The following EXTL3 variants were observed in gnomAD, a reference collection of about 807,000 sequenced individuals.
EXTL3 encodes exostosin like glycosyltransferase 3.
EXTL3 carries 27 observed loss-of-function variants against 69.3 expected under a neutral mutation model. That is an observed-to-expected ratio of 0.39 (90% CI 0.29 to 0.54). The LOEUF (loss-of-function observed/expected upper bound fraction) is 0.54, where lower values mean the gene tolerates loss of function less well. Ranked by LOEUF, EXTL3 falls within the 20% of genes least tolerant of loss-of-function variation. The pLI is 0.69. For synonymous variants in EXTL3, 511 were observed against 499.4 expected (o/e 1.02, Z -0.31); for missense variants, 1,003 against 1,231.8 (o/e 0.81, Z 2.78).
At chr8:28,701,444 C>T (rs1288140750), upstream of EXTL3, 2 of 151,974 alleles carry the variant, frequency 1.3e-5, no homozygotes, top group Admixed American at 6.5e-5. Context: ...CGCGTCCGCG[C>T]CCCCGCTCGC....
intron 2 of EXTL3, among the ~76,000 whole-genome samples, chr8:28,613,937 AGCCTTTGG>A (rs559983375): frequency 5.3e-4 from 80 of 151,842 alleles, no homozygotes; most frequent in South Asian, 2.3e-3. Flanking sequence ...CTCTGACCTC[AGCCTTTGG>A]AGTAGCTAGG....
intron 3 of EXTL3, among the ~76,000 whole-genome samples, chr8:28,720,410 A>G (rs1301943363): frequency 6.6e-6 from 1 of 152,168 alleles, no homozygotes; most frequent in East Asian, 1.9e-4. Flanking sequence ...TCTTATGTTT[A>G]GGTTCCCACT....
At chr8:28,677,113 G>C (rs1807399774) in intron 1 of EXTL3, among the ~76,000 whole-genome samples, 1 of 152,056 alleles carries the variant, frequency 6.6e-6, no homozygotes, top group South Asian at 2.1e-4. Flanking sequence ...GGGAGAAGTT[G>C]AACATCCTGG....
Position 28,737,546 on chromosome 8 carries a change from C to T in EXTL3, c.2304C>T (p.Ile768=), listed in dbSNP as rs190213591. Residue 768 remains isoleucine (I), a synonymous_variant, in exon 5 of 7, where the codon ATC becomes ATT. Transcript: ENST00000220562. ...FRVWREARDR[I]VGFPGRYHAW... is the part of the protein sequence containing the mutation. ...TGTGGAGAGAAGCTCGGGACCGCATCGTGGGCTTCCCTGGCCGTTACCACG... is the reference window on the plus strand; with the variant it reads ...TGTGGAGAGAAGCTCGGGACCGCATTGTGGGCTTCCCTGGCCGTTACCACG... 1.1e-4 allele frequency: 178 copies of T among 1,614,014 alleles called. No homozygotes were observed. The highest frequency in any genetic ancestry group is 3.3e-4 in the Middle Eastern group (2 of 6,058).
intron 4 of EXTL3, among the ~76,000 whole-genome samples, chr8:28,736,907 G>T (rs996403866): frequency 7.2e-5 from 11 of 152,294 alleles, no homozygotes; most frequent in African/African-American, 1.2e-4. Context: ...GAATCAGGCA[G>T]TCCTTCCACC....
chr8:28,637,901 G>A (rs1164265253), intron 1 of EXTL3, among the ~76,000 whole-genome samples: 1 of 152,192 alleles, frequency 6.6e-6, no homozygotes, highest in Admixed American at 6.5e-5. Context: ...TCCCCTGGCT[G>A]CAATGAAACT....
chr8:28,715,383 T>C (rs1228853621), intron 2 of EXTL3, among the ~76,000 whole-genome samples: 1 of 152,174 alleles, frequency 6.6e-6, no homozygotes, highest in Admixed American at 6.5e-5. Flanking sequence ...TTTGGGGCAC[T>C]TATCCATTTA....
At chr8:28,726,206 G>A (rs981764795) in intron 3 of EXTL3, among the ~76,000 whole-genome samples, 18 of 151,978 alleles carry the variant, frequency 1.2e-4, no homozygotes, top group African/African-American at 4.1e-4. Context: ...CGCCCGCCTC[G>A]GCCTCCTAAA....
At chr8:28,714,904 AAGG>A (rs1371344518) in intron 2 of EXTL3, among the ~76,000 whole-genome samples, 3 of 152,244 alleles carry the variant, frequency 2.0e-5, no homozygotes, top group Non-Finnish European at 4.4e-5. Flanking sequence ...GTCAGCAAAG[AAGG>A]AGAACGAATG....
rs1481916722 is a variant in EXTL3, at chr8:28,716,006, C to T, written c.-54C>T. On this transcript the variant is annotated 5_prime_UTR_variant, in exon 3 of 7. Coordinates refer to ENST00000220562, the MANE Select transcript of EXTL3 (RefSeq NM_001440.4). This position sits in a 1 kb window ranked among gnomAD's most constrained non-coding sequence, Gnocchi z 7.1. Reference sequence around the variant, plus strand: ...GAGATCGTTTTGTGGAATAGCAACCCATGGTTATGGCGAGTGACCCGACGT... The same window carrying T: ...GAGATCGTTTTGTGGAATAGCAACCTATGGTTATGGCGAGTGACCCGACGT... The T allele has an allele frequency of 1.4e-6, 2 of 1,449,578 alleles. No homozygotes were observed. The highest frequency in any genetic ancestry group is 1.9e-6 in the Non-Finnish European group (2 of 1,055,940). The allele number at this position is 1,449,578 out of a possible 1,614,324, so 89.8% of individuals were successfully genotyped here.
intron 1 of EXTL3, among the ~76,000 whole-genome samples, chr8:28,694,087 A>T (rs1179401011): frequency 6.6e-6 from 1 of 152,160 alleles, no homozygotes; most frequent in East Asian, 1.9e-4. Flanking sequence ...TAACATGGAA[A>T]ATGAGGCACC....
At chr8:28,690,130 T>C (rs1200827633) in intron 1 of EXTL3, among the ~76,000 whole-genome samples, 1 of 152,222 alleles carries the variant, frequency 6.6e-6, no homozygotes, top group African/African-American at 2.4e-5. Flanking sequence ...TCAAACTTGA[T>C]GGTTGAAAGT....
intron 3 of EXTL3, among the ~76,000 whole-genome samples, chr8:28,723,218 A>C (rs1801335622): frequency 6.6e-6 from 1 of 151,938 alleles, no homozygotes; most frequent in Non-Finnish European, 1.5e-5. Flanking sequence ...AGCAGGAAAA[A>C]CCTTGTCCAG....
chr8:28,756,354 T>G (rs1188650657), downstream of EXTL3, among the ~76,000 whole-genome samples: 3 of 152,222 alleles, frequency 2.0e-5, no homozygotes, highest in Non-Finnish European at 4.4e-5. Flanking sequence ...GTCCTATAAT[T>G]TCTACTCTTG....
At chr8:28,630,972 A>C (rs1226736992) in intron 1 of EXTL3, among the ~76,000 whole-genome samples, 3 of 152,240 alleles carry the variant, frequency 2.0e-5, no homozygotes, top group African/African-American at 7.2e-5. Flanking sequence ...CATAAAAGTG[A>C]TCAAAGCAGT....
At position 28,755,388 on chromosome 8, in the gene EXTL3, AGAGG is replaced by A. The variant is rs1802099350; in HGVS notation, c.*4524_*4527del. The A allele has an allele frequency of 6.6e-6, 1 of 152,450 alleles. No individual in the cohort carries two copies. 9.4% of individuals were successfully genotyped at this position (152,450 alleles called of 1,614,324 possible). ...ATGAATGAATGCTTTGACAAAGTGA[AGAGG>A]GTCACTTAGAAATCACAGCTTAGGC... On this transcript the variant is annotated 3_prime_UTR_variant, in exon 7 of 7. Coordinates refer to ENST00000220562, the MANE Select transcript of EXTL3 (RefSeq NM_001440.4).
chr8:28,707,505 G>C (rs1206284745), intron 1 of EXTL3, among the ~76,000 whole-genome samples: 3 of 152,246 alleles, frequency 2.0e-5, no homozygotes, highest in African/African-American at 7.2e-5. Flanking sequence ...GTGCATTGAA[G>C]TGCGGACTTT....
intron 1 of EXTL3, among the ~76,000 whole-genome samples, chr8:28,627,199 AT>A (rs1180006441): frequency 6.6e-6 from 1 of 150,756 alleles, no homozygotes; most frequent in African/African-American, 2.4e-5. Context: ...AAAAAAAAAA[AT>A]TAAAAAAAAT....
chr8:28,652,951 G>A (rs1806950796), intron 1 of EXTL3, among the ~76,000 whole-genome samples: 1 of 152,082 alleles, frequency 6.6e-6, no homozygotes, highest in Non-Finnish European at 1.5e-5. Flanking sequence ...CACATGCATA[G>A]GCTGACCCAC....
Sources: gnomAD v4.1 joint callset for allele counts (sites outside exome capture counted in the v4.1 genomes callset) on GRCh38, gnomAD v4.1.1 for gene constraint, Gnocchi (gnomAD v3.1) non-coding constraint, MANE v1.5 for transcripts, NCBI Gene and HGNC (gene_info 2026-07-23, HGNC 2026-07-21) for gene names.